The following TMEM71 variants were observed in gnomAD, a reference collection of about 807,000 sequenced individuals.
TMEM71 encodes the protein transmembrane protein 71.
In TMEM71, 44 loss-of-function variants were observed where a neutral mutation model predicts 38.0. The observed-to-expected ratio is 1.16, with a 90% CI of 0.91 to 1.49. The LOEUF (loss-of-function observed/expected upper bound fraction) is 1.49, where lower values mean the gene tolerates loss of function less well. TMEM71 is among the 40% of genes most tolerant of loss of function. The pLI, the probability that TMEM71 is intolerant of heterozygous loss-of-function variation, is 0.00. For synonymous variants in TMEM71, 133 were observed against 122.5 expected, an observed-to-expected ratio of 1.09 and a Z score of -0.56; for missense variants, 367 against 348.6, an observed-to-expected ratio of 1.05 and a Z score of -0.42.
At chr8:132,744,997 C>T (rs966636522) in intron 5 of TMEM71, among the ~76,000 whole-genome samples, 3 of 152,156 alleles carry the variant, frequency 2.0e-5, no homozygotes, top group South Asian at 4.1e-4. Flanking sequence ...GGACCTCTAC[C>T]TTTCACCATA....
downstream of TMEM71, chr8:132,709,848 A>G (rs1826153604): frequency 6.6e-6 from 1 of 152,088 alleles, no homozygotes; most frequent in Admixed American, 6.6e-5. Flanking sequence ...TAAGGCAGCA[A>G]TAGGGAAATA....
chr8:132,728,062 C>G, intron 5 of TMEM71, 76 bp from the exon 6 acceptor site: 1 of 1,119,760 alleles, frequency 8.9e-7, no homozygotes, highest in South Asian at 1.5e-5. Flanking sequence ...AGTGACTGCT[C>G]AATGCACAGT....
chr8:132,713,847 A>C (rs1339071294), intron 9 of TMEM71, 148 bp downstream of exon 9: 1 of 711,800 alleles, frequency 1.4e-6, no homozygotes, highest in East Asian at 2.7e-5. Flanking sequence ...ATACTATTAA[A>C]TTTTAGCAGT....
At chr8:132,764,106 T>C (rs1358105244), upstream of TMEM71, among the ~76,000 whole-genome samples, 2 of 152,214 alleles carry the variant, frequency 1.3e-5, no homozygotes, top group African/African-American at 2.4e-5. Flanking sequence ...CCTCTCCATG[T>C]AGCTTTTGAA....
chr8:132,764,071 C>T (rs1829334424), upstream of TMEM71, among the ~76,000 whole-genome samples: 1 of 152,124 alleles, frequency 6.6e-6, no homozygotes, highest in Admixed American at 6.5e-5. Context: ...TCACTCATGC[C>T]AGAAAACTGG....
upstream of TMEM71, among the ~76,000 whole-genome samples, chr8:132,765,056 A>G (rs918768038): frequency 3.3e-5 from 5 of 152,226 alleles, no homozygotes; most frequent in Non-Finnish European, 7.3e-5. Flanking sequence ...CATAACAGTT[A>G]TGCCACAGTA....
chr8:132,746,136 A>G, intron 5 of TMEM71, among the ~76,000 whole-genome samples: 1 of 150,572 alleles, frequency 6.6e-6, no homozygotes, highest in East Asian at 1.9e-4. Context: ...TACCCAAGTA[A>G]CAAACCTGCA....
chr8:132,706,150 A>C (rs1416574942), downstream of TMEM71, among the ~76,000 whole-genome samples: 1 of 152,186 alleles, frequency 6.6e-6, no homozygotes. Flanking sequence ...CTCAATCTTG[A>C]ACTTTGCAGC....
chr8:132,730,990 A>G (rs568248535), intron 5 of TMEM71, among the ~76,000 whole-genome samples: 3 of 152,316 alleles, frequency 2.0e-5, no homozygotes, highest in Admixed American at 2.0e-4. Context: ...ATCATTTGCT[A>G]AAAAGAGATG....
intron 4 of TMEM71, 120 bp from the exon 5 acceptor site, chr8:132,747,234 A>G (rs1828441606): frequency 3.4e-6 from 3 of 887,174 alleles, no homozygotes; most frequent in Non-Finnish European, 4.8e-6. Context: ...TAATTCTACA[A>G]AAGTTTCTCA....
intron 3 of TMEM71, 102 bp downstream of exon 3, chr8:132,757,132 G>A (rs911055968): frequency 1.2e-5 from 8 of 663,708 alleles, no homozygotes; most frequent in Non-Finnish European, 2.1e-5. Flanking sequence ...TCCTGACCTC[G>A]TGATCCGCCT....
rs1297216031 is a variant in TMEM71, at chr8:132,751,913, G to A, written c.186C>T (p.Arg62=). 1.2e-6 allele frequency: 2 copies of A among 1,613,936 alleles called. No individual in the cohort carries two copies. Among genetic ancestry groups the A allele is most frequent in the Non-Finnish European group, 1.7e-6 (2 of 1,180,034 alleles). Residue 62 remains arginine, a synonymous_variant, in exon 4 of 10, where the codon CGC becomes CGT. Coordinates refer to ENST00000677595, the MANE Select transcript of TMEM71 (RefSeq NM_001382403.1). The part of the protein sequence containing the change: ...DPLTGSHYTC[R]RSPRLLTNGY... ...CATTGGTGAGGAGTCTGGGACTTCG[G>A]CGACAGGTATAGTGGGAGCCTGTCA... is the stretch of plus-strand genomic sequence containing the variant.
intron 5 of TMEM71, among the ~76,000 whole-genome samples, chr8:132,740,097 C>T (rs1827955954): frequency 6.6e-6 from 1 of 152,218 alleles, no homozygotes; most frequent in South Asian, 2.1e-4. Flanking sequence ...GCCCTCCACT[C>T]AGAGTATGAA....
At chr8:132,756,092 G>A (rs1828987631) in intron 3 of TMEM71, among the ~76,000 whole-genome samples, 1 of 151,970 alleles carries the variant, frequency 6.6e-6, no homozygotes. Flanking sequence ...TTATGCTATA[G>A]GCACATTTCA....
At chr8:132,719,948 G>T (rs1826749526) in intron 7 of TMEM71, among the ~76,000 whole-genome samples, 5 of 152,132 alleles carry the variant, frequency 3.3e-5, no homozygotes, top group Admixed American at 3.3e-4. Flanking sequence ...GCTCCTCTGG[G>T]CTCTGAGAGT....
intron 2 of TMEM71, 34 bp from the exon 3 acceptor site, chr8:132,757,328 T>C (rs1829082005): frequency 1.4e-6 from 2 of 1,477,282 alleles, no homozygotes; most frequent in Non-Finnish European, 1.9e-6. Context: ...GTAGAATGTA[T>C]CATACCTGAT....
intron 6 of TMEM71, 43 bp downstream of exon 6, chr8:132,727,755 G>A: frequency 6.6e-7 from 1 of 1,505,708 alleles, no homozygotes; most frequent in Non-Finnish European, 9.0e-7. Context: ...CTGAAAGGAA[G>A]AATTCTTTGG....
chr8:132,763,454 A>G (rs1285668754), upstream of TMEM71, among the ~76,000 whole-genome samples: 1 of 152,208 alleles, frequency 6.6e-6, no homozygotes, highest in East Asian at 1.9e-4. Flanking sequence ...GTTATAAATC[A>G]ATGTTTCTAA....
intron 5 of TMEM71, among the ~76,000 whole-genome samples, chr8:132,741,604 G>C (rs2131128913): frequency 6.6e-6 from 1 of 151,462 alleles, no homozygotes; most frequent in African/African-American, 2.4e-5. Flanking sequence ...AGCCGAGGCA[G>C]AGAGACAGAG....
Sources: gnomAD v4.1 joint callset for allele counts (sites outside exome capture counted in the v4.1 genomes callset) on GRCh38, gnomAD v4.1.1 for gene constraint, MANE v1.5 for transcripts, NCBI Gene and HGNC (gene_info 2026-07-23, HGNC 2026-07-21) for gene names.